Variants in SYNE3 observed in about 807,000 individuals in gnomAD.
SYNE3 encodes the protein nesprin-3.
SYNE3 carries 100 observed loss-of-function variants against 111.2 expected under a neutral mutation model. The ratio of observed to expected loss-of-function variants is 0.90; its 90% CI spans 0.77 to 1.06. The LOEUF (loss-of-function observed/expected upper bound fraction) is 1.06, where lower values mean the gene tolerates loss of function less well. SYNE3 is among the 50% of genes least tolerant of loss of function. The probability of loss-of-function intolerance (pLI) is 0.00; values close to 1 mark genes in which losing one functional copy is unlikely to be tolerated. For synonymous variants in SYNE3, 547 were observed against 533.9 expected (o/e 1.02, Z -0.34); for missense variants, 1,160 against 1,240.3 (o/e 0.94, Z 0.97).
At position 95,500,874 on chromosome 14, in the gene SYNE3, C is replaced by T. The variant is rs545368791; in HGVS notation, c.-15+15722G>A. Reference sequence around the variant, plus strand: ...ATTCTTTGTACTCCCAGTGGGGGATCGGGGGCGGTGAAGCGGGAGGGACAC... The same window carrying T: ...ATTCTTTGTACTCCCAGTGGGGGATTGGGGGCGGTGAAGCGGGAGGGACAC... On this transcript the variant is annotated intron_variant, in intron 1 of 17. Coordinates refer to ENST00000682763, the MANE Select transcript of SYNE3 (RefSeq NM_152592.6). This position sits in a 1 kb window ranked among gnomAD's most constrained non-coding sequence, Gnocchi z 4.7. 2.8e-4 allele frequency among the ~76,000 whole-genome samples: 43 copies of T among 152,294 alleles called. No individual in the cohort carries two copies. Among genetic ancestry groups the T allele is most frequent in the African/African-American group, 7.0e-4 (29 of 41,558 alleles).
chr14:95,491,927 T>C (rs1280498325), intron 1 of SYNE3, among the ~76,000 whole-genome samples: 1 of 152,160 alleles, frequency 6.6e-6, no homozygotes, highest in African/African-American at 2.4e-5. Flanking sequence ...AACCCAATTA[T>C]AAAATAGGCA....
intron 6 of SYNE3, among the ~76,000 whole-genome samples, chr14:95,453,592 C>T (rs1436189695): frequency 7.2e-5 from 11 of 152,216 alleles, no homozygotes; most frequent in South Asian, 4.1e-4. Context: ...AAAGTTTTCA[C>T]GGAAGACCAG....
In SYNE3 at chr14:95,479,224, C is replaced by CAAA. The variant is rs71132351; in HGVS notation, c.-14-3392_-14-3390dup. ...CAGCATAGTGAGACCTCGTCTCTAC[C>CAAA]AAAAAAAAAAAAAAAAAAAAAAAAA... On this transcript the variant is annotated intron_variant, in intron 1 of 17. Transcript: ENST00000682763. 3.6e-3 allele frequency among the ~76,000 whole-genome samples: 312 copies of CAAA among 86,284 alleles called. 8 individuals are homozygous for CAAA. Among genetic ancestry groups the CAAA allele is most frequent in the African/African-American group, 0.012 (265 of 22,130 alleles). The allele number at this position is 86,284 out of a possible 152,430, so 56.6% of individuals were successfully genotyped here.
At position 95,416,174 on chromosome 14, in the gene SYNE3, C is replaced by T. The variant is rs17111981; in HGVS notation, c.*1652G>A. 0.068 allele frequency: 10,384 copies of T among 152,044 alleles called. 411 individuals carry two copies. The highest frequency in any genetic ancestry group is 0.11 in the Admixed American group (1,691 of 15,290). The allele number at this position is 152,044 out of a possible 1,614,324, so 9.4% of individuals were successfully genotyped here. A position where few individuals can be genotyped will look rare whatever the true frequency, so the allele number is the denominator to read the frequency against. ...CTCCTTGGCAGCACGGGTTTCCTGC[C>T]GGTGAAATGTCCTAGTTGCCTAGGA... On this transcript the variant is annotated 3_prime_UTR_variant, in exon 18 of 18. Coordinates refer to ENST00000682763, the MANE Select transcript of SYNE3 (RefSeq NM_152592.6).
chr14:95,495,131 A>G (rs1202094876), intron 1 of SYNE3, among the ~76,000 whole-genome samples: 1 of 150,980 alleles, frequency 6.6e-6, no homozygotes, highest in African/African-American at 2.5e-5. Context: ...AAGAAAGAAA[A>G]GAAAAGAAAG....
At chr14:95,453,841 C>T (rs1363894833) in intron 6 of SYNE3, among the ~76,000 whole-genome samples, 2 of 152,228 alleles carry the variant, frequency 1.3e-5, no homozygotes, top group African/African-American at 4.8e-5. Context: ...AAGGACGCTG[C>T]CCCATGGCTG....
intron 4 of SYNE3, among the ~76,000 whole-genome samples, chr14:95,460,904 A>C (rs1392144720): frequency 6.6e-6 from 1 of 152,174 alleles, no homozygotes; most frequent in African/African-American, 2.4e-5. Context: ...CGTGGCTGCT[A>C]GTGTGTGAAG....
intron 1 of SYNE3, among the ~76,000 whole-genome samples, chr14:95,507,479 G>A (rs1566691416): frequency 1.3e-5 from 2 of 152,190 alleles, no homozygotes; most frequent in Non-Finnish European, 2.9e-5. Flanking sequence ...AACTTACGGG[G>A]CTATCCTCTT....
chr14:95,436,690 G>A (rs729667), intron 15 of SYNE3, 130 bp downstream of exon 15: 54 of 1,089,386 alleles, frequency 5.0e-5, no homozygotes, highest in Non-Finnish European at 3.2e-5. Flanking sequence ...GTTTAAAAGC[G>A]ATTATCTATA....
intron 1 of SYNE3, among the ~76,000 whole-genome samples, chr14:95,504,477 G>C (rs1479060718): frequency 1.3e-5 from 2 of 152,216 alleles, no homozygotes; most frequent in Non-Finnish European, 2.9e-5. Flanking sequence ...CAAATGCTAA[G>C]AATCGTGTCT....
chr14:95,459,151 C>T (rs1422825492), intron 4 of SYNE3, among the ~76,000 whole-genome samples: 2 of 152,194 alleles, frequency 1.3e-5, no homozygotes, highest in African/African-American at 4.8e-5. Flanking sequence ...TGAGTAGCCA[C>T]AGATAATGTG....
intron 8 of SYNE3, among the ~76,000 whole-genome samples, chr14:95,449,057 A>G (rs1184555268): frequency 6.6e-6 from 1 of 152,134 alleles, no homozygotes; most frequent in East Asian, 1.9e-4. Context: ...ACACAAAATC[A>G]TTTTATGGAC....
chr14:95,460,331 A>C (rs1595217314), intron 4 of SYNE3, among the ~76,000 whole-genome samples: 1 of 148,580 alleles, frequency 6.7e-6, no homozygotes, highest in Non-Finnish European at 1.5e-5. Flanking sequence ...CAGCCTCCCA[A>C]GTAGCTGGCA....
intron 1 of SYNE3, chr14:95,516,128 C>T (rs988509663): frequency 2.6e-5 from 4 of 152,340 alleles, no homozygotes; most frequent in Non-Finnish European, 2.9e-5. Flanking sequence ...TTCCCCTCTT[C>T]GCCGCCTGCT....
chr14:95,492,490 C>T (rs1173002090), intron 1 of SYNE3, among the ~76,000 whole-genome samples: 1 of 152,172 alleles, frequency 6.6e-6, no homozygotes, highest in Non-Finnish European at 1.5e-5. Context: ...AAACGTTGTG[C>T]TAAATGAAAG....
chr14:95,515,791 G>A (rs1253144200), intron 1 of SYNE3, among the ~76,000 whole-genome samples: 3 of 152,130 alleles, frequency 2.0e-5, no homozygotes, highest in Non-Finnish European at 2.9e-5. Flanking sequence ...GGCCAAAGTG[G>A]TTAACTGAAA....
chr14:95,464,475 C>T (rs953396101), intron 4 of SYNE3, among the ~76,000 whole-genome samples: 3 of 152,150 alleles, frequency 2.0e-5, no homozygotes, highest in Non-Finnish European at 2.9e-5. Context: ...TTGTTACAAA[C>T]GCAATCTGAG....
chr14:95,452,504 G>A (rs1374199527), intron 6 of SYNE3, 121 bp from the exon 7 acceptor site: 6 of 1,294,522 alleles, frequency 4.6e-6, no homozygotes, highest in Admixed American at 2.9e-5. Context: ...CTGTCACCAG[G>A]GGCAGGAACT....
intron 1 of SYNE3, among the ~76,000 whole-genome samples, chr14:95,489,580 C>T (rs1002172941): frequency 4.6e-5 from 7 of 150,902 alleles, no homozygotes; most frequent in Non-Finnish European, 1.0e-4. Context: ...ACAATACCTA[C>T]CTCGGTTGGT....
Sources: gnomAD v4.1 joint callset for allele counts (sites outside exome capture counted in the v4.1 genomes callset) on GRCh38, gnomAD v4.1.1 for gene constraint, Gnocchi (gnomAD v3.1) non-coding constraint, MANE v1.5 for transcripts, NCBI Gene and HGNC (gene_info 2026-07-23, HGNC 2026-07-21) for gene names.